ZBTB8OS: variants seen among roughly 807,000 people sequenced by gnomAD.
The protein encoded by ZBTB8OS is tRNA-splicing ligase-activating factor archease.
A neutral mutation model predicts 29.3 loss-of-function variants in ZBTB8OS; 16 were observed. The ratio of observed to expected loss-of-function variants is 0.55; its 90% CI spans 0.37 to 0.83. The LOEUF is 0.83. ZBTB8OS is among the 40% of genes least tolerant of loss of function. The probability of loss-of-function intolerance (pLI) is 0.00; values close to 1 mark genes in which losing one functional copy is unlikely to be tolerated. For missense variants in ZBTB8OS, 160 were observed against 196.9 expected (o/e 0.81, Z 1.12); for synonymous variants, 70 against 64.6 (o/e 1.08, Z -0.40).
chr1:32,628,621 G>C (rs1050707556), intron 5 of ZBTB8OS, among the ~76,000 whole-genome samples: 13 of 150,246 alleles, frequency 8.7e-5, no homozygotes, highest in African/African-American at 2.7e-4. Context: ...GGGCAACAGA[G>C]CGAGACTCTG....
chr1:32,632,659 A>C (rs1329507190), intron 4 of ZBTB8OS, among the ~76,000 whole-genome samples: 1 of 152,166 alleles, frequency 6.6e-6, no homozygotes, highest in Non-Finnish European at 1.5e-5. Flanking sequence ...ATTTCAAGGA[A>C]ATAAGTTTTT....
rs1433443064 is a variant in ZBTB8OS at position 32,634,025 on chromosome 1, G to A, written c.170C>T (p.Ala57Val). 2 of 1,602,460 alleles carry A rather than the reference G, an allele frequency of 1.2e-6. No homozygotes were observed. The highest frequency in any genetic ancestry group is 1.4e-5 in the African/African-American group (1 of 73,960). ...DTLEEAFEQC[A>V]MAMFGYMTDT... The stretch of plus-strand genomic sequence containing the variant: ...TGTCATGTAACCAAACATGGCCATT[G>A]CACATTGCTCAAATGCTTCCTCCAG... The change falls in exon 3 of 7, where the codon GCA becomes GTA. Residue 57 changes from alanine to valine, a missense_variant. Ala to Val is a moderately conservative substitution (Grantham distance 64). Coordinates refer to ENST00000468695, the MANE Select transcript of ZBTB8OS (RefSeq NM_178547.5).
At chr1:32,644,533 C>T (rs1016483012) in intron 1 of ZBTB8OS, among the ~76,000 whole-genome samples, 37 of 139,236 alleles carry the variant, frequency 2.7e-4, no homozygotes, top group Middle Eastern at 7.4e-3. Flanking sequence ...TTTTCTTTTT[C>T]CTTTTTTTTT....
Position 32,621,579 on chromosome 1 carries a change from G to A in ZBTB8OS, c.*283C>T. The A allele has an allele frequency of 2.8e-6, 1 of 354,402 alleles. No homozygotes were observed. The highest frequency in any genetic ancestry group is 5.1e-6 in the Non-Finnish European group (1 of 197,300). The allele number at this position is 354,402 out of a possible 1,614,324, so 22.0% of individuals were successfully genotyped here. ...GAGGCTGGAGGGCTTGCATTGCACTGGAAGGGCATGAGGCACACCTACTGC... is the reference window on the plus strand; with the variant it reads ...GAGGCTGGAGGGCTTGCATTGCACTAGAAGGGCATGAGGCACACCTACTGC... On this transcript the variant is annotated 3_prime_UTR_variant, in exon 7 of 7. Transcript: ENST00000468695.
At chr1:32,623,146 T>G (rs1458911766) in intron 6 of ZBTB8OS, among the ~76,000 whole-genome samples, 1 of 152,158 alleles carries the variant, frequency 6.6e-6, no homozygotes, top group Non-Finnish European at 1.5e-5. Context: ...ATTTGCTAGC[T>G]CTACACCACA....
chr1:32,635,274 CTCT>C (rs1645868078), intron 1 of ZBTB8OS, among the ~76,000 whole-genome samples: 1 of 147,218 alleles, frequency 6.8e-6, no homozygotes, highest in Admixed American at 6.9e-5. Context: ...CATATCATGA[CTCT>C]TTTTTTTTTT....
chr1:32,625,013 C>T (rs778065643), intron 6 of ZBTB8OS, among the ~76,000 whole-genome samples: 7 of 151,822 alleles, frequency 4.6e-5, no homozygotes, highest in African/African-American at 9.7e-5. Flanking sequence ...CACCTGAGGT[C>T]GGGAGTTCGA....
At position 32,646,440 on chromosome 1, in the gene ZBTB8OS, T is replaced by C. The variant is rs540592701; in HGVS notation, c.97+3993A>G. On this transcript the variant is annotated intron_variant, in intron 1 of 6. Transcript: ENST00000468695. ...TCTCACTCTGTTGCCCAGGCTGGAG[T>C]GCAGTGGTGCAATCTCGGCTCACTG... is the stretch of plus-strand genomic sequence containing the variant. Among the ~76,000 whole-genome samples, 8 of 151,706 alleles carry C rather than the reference T, an allele frequency of 5.3e-5. No individual in the cohort carries two copies. In the South Asian group the frequency reaches 1.5e-3, roughly 28 times the overall value.
chr1:32,650,699 C>G (rs1157262915), upstream of ZBTB8OS: 2 of 1,261,646 alleles, frequency 1.6e-6, no homozygotes, highest in Non-Finnish European at 2.2e-6. Context: ...GCTTGGATCG[C>G]ATATTTAAAA....
chr1:32,646,660 T>TA (rs943091730), intron 1 of ZBTB8OS, among the ~76,000 whole-genome samples: 16 of 147,546 alleles, frequency 1.1e-4, no homozygotes, highest in East Asian at 7.9e-4. Context: ...TTCAAATGTA[T>TA]AAAAAAAAAA....
intron 6 of ZBTB8OS, among the ~76,000 whole-genome samples, chr1:32,624,383 C>T (rs1644958601): frequency 6.6e-6 from 1 of 152,142 alleles, no homozygotes; most frequent in African/African-American, 2.4e-5. Context: ...TATCCTATTA[C>T]ATTTCTACCT....
intron 1 of ZBTB8OS, among the ~76,000 whole-genome samples, chr1:32,648,231 A>G (rs144875440): frequency 1.4e-3 from 220 of 152,380 alleles, no homozygotes; most frequent in African/African-American, 5.0e-3. Flanking sequence ...GTGGGAGGAA[A>G]GAGGCACATT....
chr1:32,638,128 C>T (rs1032981534), intron 1 of ZBTB8OS, among the ~76,000 whole-genome samples: 37 of 151,598 alleles, frequency 2.4e-4, no homozygotes, highest in African/African-American at 7.8e-4. Context: ...TGAGCCACCG[C>T]GCCCAGACTA....
chr1:32,629,355 G>A (rs1354590292), intron 5 of ZBTB8OS, among the ~76,000 whole-genome samples: 1 of 151,942 alleles, frequency 6.6e-6, no homozygotes, highest in Non-Finnish European at 1.5e-5. Flanking sequence ...GGTCATGGCT[G>A]CAGTGAGCCA....
At chr1:32,635,048 G>C (rs897734221) in intron 1 of ZBTB8OS, among the ~76,000 whole-genome samples, 35 of 151,250 alleles carry the variant, frequency 2.3e-4, no homozygotes, top group African/African-American at 7.5e-4. Flanking sequence ...AACAGAGCAA[G>C]ACTCCATCTC....
At chr1:32,628,356 G>A (rs1363013317) in intron 5 of ZBTB8OS, among the ~76,000 whole-genome samples, 3 of 150,570 alleles carry the variant, frequency 2.0e-5, no homozygotes, top group Admixed American at 6.6e-5. Flanking sequence ...AATGAAAAAG[G>A]TCAGGCGCGG....
chr1:32,644,656 C>T (rs1040030110), intron 1 of ZBTB8OS, among the ~76,000 whole-genome samples: 1 of 150,474 alleles, frequency 6.6e-6, no homozygotes, highest in Non-Finnish European at 1.5e-5. Context: ...GCTCAGCTTC[C>T]CCAGTAGGTG....
chr1:32,644,067 G>C lies in ZBTB8OS; in HGVS notation c.97+6366C>G, dbSNP rs1211510273. On this transcript the variant is annotated intron_variant, in intron 1 of 6. Coordinates refer to ENST00000468695, the MANE Select transcript of ZBTB8OS (RefSeq NM_178547.5). ...ACCTTGGTTTAGGAAGGGGAGGGGGGGTCTAGTTAAAACAATTTTACGGAA... is the reference window on the plus strand; with the variant it reads ...ACCTTGGTTTAGGAAGGGGAGGGGGCGTCTAGTTAAAACAATTTTACGGAA... Among the ~76,000 whole-genome samples, 3 of 151,934 alleles carry C rather than the reference G, an allele frequency of 2.0e-5. No homozygotes were observed. In the South Asian group the frequency reaches 6.2e-4, roughly 32 times the overall value.
chr1:32,631,651 A>T (rs991291275), intron 5 of ZBTB8OS, among the ~76,000 whole-genome samples, 176 bp downstream of exon 5: 1 of 152,218 alleles, frequency 6.6e-6, no homozygotes, highest in Non-Finnish European at 1.5e-5. Flanking sequence ...ATCAGATTTA[A>T]CAATTAAAAT....
Sources: gnomAD v4.1 joint callset for allele counts (sites outside exome capture counted in the v4.1 genomes callset) on GRCh38, gnomAD v4.1.1 for gene constraint, MANE v1.5 for transcripts, NCBI Gene and HGNC (gene_info 2026-07-23, HGNC 2026-07-21) for gene names.